KHDRBS2: variants seen among roughly 807,000 people sequenced by gnomAD.
KHDRBS2 encodes KH domain-containing, RNA-binding, signal transduction-associated protein 2.
In KHDRBS2, 26 loss-of-function variants were observed where a neutral mutation model predicts 44.3. That is an observed-to-expected ratio of 0.59 (90% confidence interval 0.43 to 0.81). KHDRBS2 has a LOEUF of 0.81. Ranked by LOEUF, KHDRBS2 falls within the 40% of genes least tolerant of loss-of-function variation. The pLI is 0.00. For missense variants in KHDRBS2, 476 were observed against 433.1 expected, an observed-to-expected ratio of 1.10 and a Z score of -0.88; for synonymous variants, 194 against 151.1, an observed-to-expected ratio of 1.28 and a Z score of -2.08.
chr6:61,578,256 T>G, the KHDRBS2 span, among the ~76,000 whole-genome samples: 2 of 152,172 alleles, frequency 1.3e-5, no homozygotes, highest in Admixed American at 1.3e-4. Flanking sequence ...GCACATTGCA[T>G]CAACATTTTG....
At chr6:61,816,740 A>G (rs1789016777) in intron 6 of KHDRBS2, 1 of 382,942 alleles carries the variant, frequency 2.6e-6, no homozygotes, top group Non-Finnish European at 5.3e-6. Context: ...GTAGAATGCC[A>G]TATTACGTAA....
At chr6:61,577,707 T>C in the KHDRBS2 span, among the ~76,000 whole-genome samples, 3 of 152,298 alleles carry the variant, frequency 2.0e-5, no homozygotes, top group African/African-American at 7.2e-5. Context: ...TATATGTTTT[T>C]CATAGAATTA....
chr6:62,011,088 C>T (rs1008892003), intron 3 of KHDRBS2, among the ~76,000 whole-genome samples: 4 of 151,526 alleles, frequency 2.6e-5, no homozygotes, highest in East Asian at 3.9e-4. Context: ...ATGTCAGGAA[C>T]ATTTTGATGA....
chr6:61,629,258 T>C, the KHDRBS2 span, among the ~76,000 whole-genome samples: 5 of 152,244 alleles, frequency 3.3e-5, no homozygotes, highest in East Asian at 9.7e-4. Flanking sequence ...CCAAGCAAAA[T>C]TGCACCTTTA....
intron 7 of KHDRBS2, among the ~76,000 whole-genome samples, chr6:61,727,083 C>A (rs11489174): frequency 0.031 from 4,769 of 152,030 alleles, 246 homozygotes; most frequent in African/African-American, 0.11. Flanking sequence ...ACATATAGAA[C>A]AATGGAACAG....
the KHDRBS2 span, among the ~76,000 whole-genome samples, chr6:61,557,597 T>C: frequency 1.3e-5 from 2 of 152,220 alleles, no homozygotes; most frequent in Non-Finnish European, 2.9e-5. Flanking sequence ...GTTTTCTTTT[T>C]TTGATGTGTC....
At chr6:62,103,960 A>T (rs898131396) in intron 2 of KHDRBS2, among the ~76,000 whole-genome samples, 1 of 152,242 alleles carries the variant, frequency 6.6e-6, no homozygotes, top group African/African-American at 2.4e-5. Flanking sequence ...AAGAAACATA[A>T]GGTCATAAAG....
chr6:61,954,081 GC>G (rs1765366581), intron 4 of KHDRBS2, among the ~76,000 whole-genome samples: 1 of 152,128 alleles, frequency 6.6e-6, no homozygotes, highest in Admixed American at 6.6e-5. Context: ...AAATATTCTG[GC>G]AGAGGGAGGC....
At chr6:61,715,604 C>T (rs1225047192) in intron 7 of KHDRBS2, among the ~76,000 whole-genome samples, 1 of 152,004 alleles carries the variant, frequency 6.6e-6, no homozygotes, top group African/African-American at 2.4e-5. Context: ...AATACTTTCT[C>T]TTCACCCTCT....
chr6:61,746,669 G>A lies in KHDRBS2; in HGVS notation c.811-13905C>T, dbSNP rs188915450. Among the ~76,000 whole-genome samples the A allele has an allele frequency of 3.1e-3, 478 of 152,202 alleles. 1 individual carries two copies. The highest frequency in any genetic ancestry group is 5.6e-3 in the Non-Finnish European group (379 of 67,998). ...TTATATTCCTTTGGGTATATACCCA[G>A]TAACGGGATTGCTGGGTCAAATGGT... On this transcript the variant is annotated intron_variant, in intron 6 of 8. Transcript: ENST00000281156.
chr6:62,203,802 C>G (rs1827463221), intron 1 of KHDRBS2, among the ~76,000 whole-genome samples: 1 of 152,110 alleles, frequency 6.6e-6, no homozygotes. Context: ...ATACCAAGTG[C>G]TATACTTTTG....
At chr6:61,751,058 A>G (rs1777614203) in intron 6 of KHDRBS2, among the ~76,000 whole-genome samples, 1 of 152,136 alleles carries the variant, frequency 6.6e-6, no homozygotes, top group Non-Finnish European at 1.5e-5. Context: ...TGTACTAAAT[A>G]CTTGCATAAA....
chr6:62,085,924 G>T (rs1384990325), intron 2 of KHDRBS2, among the ~76,000 whole-genome samples: 1 of 152,066 alleles, frequency 6.6e-6, no homozygotes, highest in African/African-American at 2.4e-5. Context: ...ATTTCCTTTG[G>T]GAATTAGCAA....
At chr6:61,999,712 A>G (rs1367805404) in intron 3 of KHDRBS2, among the ~76,000 whole-genome samples, 21 of 152,150 alleles carry the variant, frequency 1.4e-4, no homozygotes, top group Admixed American at 4.6e-4. Flanking sequence ...TAATAGCACA[A>G]AATGAATTTT....
intron 8 of KHDRBS2, among the ~76,000 whole-genome samples, chr6:61,683,094 C>T (rs1766474273): frequency 6.6e-6 from 1 of 151,806 alleles, no homozygotes; most frequent in Admixed American, 6.6e-5. Flanking sequence ...GATTTAAGAG[C>T]TGAGACAATA....
intron 6 of KHDRBS2, among the ~76,000 whole-genome samples, chr6:61,821,649 T>C (rs950414688): frequency 5.3e-5 from 8 of 152,028 alleles, no homozygotes; most frequent in African/African-American, 1.4e-4. Flanking sequence ...GCTAGAGTGA[T>C]GAGTGTTGGA....
chr6:62,143,694 A>T (rs1474511660), intron 2 of KHDRBS2, among the ~76,000 whole-genome samples: 3 of 151,460 alleles, frequency 2.0e-5, no homozygotes, highest in African/African-American at 7.3e-5. Flanking sequence ...TCAGATTATT[A>T]TTTTTTTTCT....
intron 7 of KHDRBS2, among the ~76,000 whole-genome samples, chr6:61,707,862 AATATATTCT>A (rs1256951812): frequency 1.3e-5 from 2 of 151,736 alleles, no homozygotes; most frequent in Non-Finnish European, 2.9e-5. Flanking sequence ...TGGGAAAGAT[AATATATTCT>A]ATACGTAACT....
chr6:62,181,341 C>T (rs1822241006), intron 1 of KHDRBS2, among the ~76,000 whole-genome samples: 1 of 151,888 alleles, frequency 6.6e-6, no homozygotes, highest in African/African-American at 2.4e-5. Context: ...ACTCCTACAA[C>T]TTAATAGCAA....
Sources: gnomAD v4.1 joint callset for allele counts (sites outside exome capture counted in the v4.1 genomes callset) on GRCh38, gnomAD v4.1.1 for gene constraint, MANE v1.5 for transcripts, NCBI Gene and HGNC (gene_info 2026-07-23, HGNC 2026-07-21) for gene names.